PCNX1: variants seen among roughly 807,000 people sequenced by gnomAD.
PCNX1 encodes pecanex-like protein 1.
Under a neutral mutation model 242.2 loss-of-function variants are expected in PCNX1, and 78 were observed. That is an observed-to-expected ratio of 0.32 (90% confidence interval 0.27 to 0.39). The LOEUF is 0.39. PCNX1 is among the 10% of genes least tolerant of loss of function. PCNX1 has a pLI of 1.00. For synonymous variants in PCNX1, 1,024 were observed against 1,032.9 expected (o/e 0.99, Z 0.17); for missense variants, 2,581 against 2,856.5 (o/e 0.90, Z 2.20).
intron 33 of PCNX1, among the ~76,000 whole-genome samples, chr14:71,106,862 AAT>A (rs1259923590): frequency 2.6e-5 from 4 of 152,114 alleles, no homozygotes; most frequent in African/African-American, 7.2e-5. Flanking sequence ...CTGTACCACA[AAT>A]ATCTTTTCCC....
At position 71,026,255 on chromosome 14, in the gene PCNX1, C is replaced by T; in HGVS notation, c.3322C>T (p.Leu1108=). 3 of 1,608,744 alleles carry T rather than the reference C, an allele frequency of 1.9e-6. No homozygotes were observed. Among genetic ancestry groups the T allele is most frequent in the Non-Finnish European group, 2.5e-6 (3 of 1,177,070 alleles). The change falls in exon 14 of 36, where the codon CTG becomes TTG. Residue 1108 remains leucine, a synonymous_variant. Coordinates refer to ENST00000304743, the MANE Select transcript of PCNX1 (RefSeq NM_014982.3). ...ATATGGAATAACTTTCACCAATCCA[C>T]TGGTGTTTATATCAGCCAGGGATTT... ...KLYGITFTNP[L]VFISARDLVI...
At chr14:71,091,546 C>T (rs1182450415) in intron 30 of PCNX1, among the ~76,000 whole-genome samples, 1 of 152,018 alleles carries the variant, frequency 6.6e-6, no homozygotes, top group Non-Finnish European at 1.5e-5. Flanking sequence ...AAAAGATGAA[C>T]TAGAAAGCCT....
chr14:71,034,092 T>G lies in PCNX1; in HGVS notation c.3774+56T>G, dbSNP rs772235486. On this transcript the variant is annotated intron_variant, in intron 18 of 35. Coordinates refer to ENST00000304743, the MANE Select transcript of PCNX1 (RefSeq NM_014982.3). ...GACTTAAATCTTAGACAGTTGATCA[T>G]GTTATATGAGGAACACTTTTTGAAA... 200 of 906,998 alleles carry G rather than the reference T, an allele frequency of 2.2e-4. 1 individual carries two copies. The highest frequency in any genetic ancestry group is 3.3e-4 in the Non-Finnish European group (188 of 567,826). 56.2% of individuals were successfully genotyped at this position (906,998 alleles called of 1,614,324 possible).
chr14:71,045,071 A>G, intron 19 of PCNX1, 62 bp from the exon 20 acceptor site: 1 of 1,228,606 alleles, frequency 8.1e-7, no homozygotes, highest in Non-Finnish European at 1.1e-6. Context: ...CTGACAAATT[A>G]GAATTTCTAC....
At chr14:71,098,859 G>A (rs996359183) in intron 30 of PCNX1, among the ~76,000 whole-genome samples, 9 of 151,960 alleles carry the variant, frequency 5.9e-5, no homozygotes, top group Non-Finnish European at 1.3e-4. Flanking sequence ...TGGTGAGAGT[G>A]GACATCCTTG....
intron 1 of PCNX1, among the ~76,000 whole-genome samples, chr14:70,930,571 GATA>G (rs1277838877): frequency 9.2e-5 from 14 of 152,048 alleles, no homozygotes; most frequent in African/African-American, 2.9e-4. Flanking sequence ...TTTTAAAAAA[GATA>G]ATATCTATTA....
chr14:70,969,547 G>T (rs1369614782), intron 5 of PCNX1, among the ~76,000 whole-genome samples: 1 of 152,160 alleles, frequency 6.6e-6, no homozygotes, highest in Admixed American at 6.5e-5. Context: ...CTTAGTCCAT[G>T]TGCATTGCTA....
chr14:71,076,585 C>T (rs1357587621), intron 28 of PCNX1, among the ~76,000 whole-genome samples, 166 bp downstream of exon 28: 1 of 152,182 alleles, frequency 6.6e-6, no homozygotes, highest in Non-Finnish European at 1.5e-5. Context: ...ACCAGCTCTG[C>T]CAAAACAGGT....
intron 28 of PCNX1, among the ~76,000 whole-genome samples, chr14:71,080,498 T>C (rs981703721): frequency 2.0e-5 from 3 of 152,178 alleles, no homozygotes; most frequent in Non-Finnish European, 4.4e-5. Context: ...ATTCTTCCTA[T>C]CCATGAGCAT....
In PCNX1 at chr14:71,095,589, G is replaced by A. The variant is rs1013946799; in HGVS notation, c.5589+6247G>A. On this transcript the variant is annotated intron_variant, in intron 30 of 35. Coordinates refer to ENST00000304743, the MANE Select transcript of PCNX1 (RefSeq NM_014982.3). ...GCCAGTAATTTGATATATCTTTTGT[G>A]ATTTCTTCTAAGCACATACATTTTC... Among the ~76,000 whole-genome samples, 6 of 152,048 alleles carry A rather than the reference G, an allele frequency of 3.9e-5. No individual in the cohort carries two copies. In the East Asian group the frequency reaches 1.2e-3, roughly 29 times the overall value.
At position 70,977,703 on chromosome 14, in the gene PCNX1, A is replaced by T; in HGVS notation, c.1366A>T (p.Met456Leu). 6.2e-7 allele frequency: 1 copy of T among 1,614,164 alleles called. No homozygotes were observed. The highest frequency in any genetic ancestry group is 8.5e-7 in the Non-Finnish European group (1 of 1,180,034). Reference protein sequence around the residue: ...DKRTSSEKIAMEASTNSGVHE... With the variant: ...DKRTSSEKIALEASTNSGVHE... ...AAGGACTAGCAGTGAAAAGATTGCT[A>T]TGGAAGCGAGTACCAACAGTGGGGT... Residue 456 changes from methionine (M) to leucine (L), a missense_variant, in exon 6 of 36, where the codon ATG becomes TTG. Coordinates refer to ENST00000304743, the MANE Select transcript of PCNX1 (RefSeq NM_014982.3).
chr14:71,001,890 C>T (rs2059516598), intron 8 of PCNX1, among the ~76,000 whole-genome samples: 1 of 152,216 alleles, frequency 6.6e-6, no homozygotes, highest in South Asian at 2.1e-4. Context: ...TAAGTGCCTG[C>T]TGTAGTCGTT....
At chr14:70,969,173 T>C (rs1281969184) in intron 5 of PCNX1, 63 bp downstream of exon 5, 1 of 903,392 alleles carries the variant, frequency 1.1e-6, no homozygotes, top group African/African-American at 1.6e-5. Context: ...ATTTGTAGAA[T>C]ATGCTGCATA....
At chr14:71,005,257 C>T (rs1038768596) in intron 8 of PCNX1, among the ~76,000 whole-genome samples, 3 of 152,016 alleles carry the variant, frequency 2.0e-5, no homozygotes, top group Non-Finnish European at 4.4e-5. Context: ...AATTCCAGCA[C>T]GTTGGGAGGC....
chr14:70,975,765 G>A (rs1327547618), intron 5 of PCNX1, among the ~76,000 whole-genome samples: 2 of 151,826 alleles, frequency 1.3e-5, no homozygotes, highest in Non-Finnish European at 1.5e-5. Flanking sequence ...ATGTAGGTAG[G>A]TAGGTAGATA....
chr14:70,917,902 A>G (rs1566564525), intron 1 of PCNX1, among the ~76,000 whole-genome samples: 1 of 152,160 alleles, frequency 6.6e-6, no homozygotes, highest in East Asian at 1.9e-4. Context: ...GTGATCTTAG[A>G]TCTTCTGGAT....
intron 6 of PCNX1, among the ~76,000 whole-genome samples, chr14:70,986,279 G>C (rs994152212): frequency 6.6e-6 from 1 of 152,170 alleles, no homozygotes; most frequent in Admixed American, 6.5e-5. Flanking sequence ...TTTACCCCCT[G>C]AATATTATAA....
rs1417460214 is a variant in PCNX1 at position 70,978,340 on chromosome 14, G to A, written c.2003G>A (p.Gly668Glu). The A allele has an allele frequency of 1.4e-5, 22 of 1,614,168 alleles. No individual in the cohort carries two copies. The highest frequency in any genetic ancestry group is 1.8e-5 in the Non-Finnish European group (21 of 1,180,022). ...CACAAAGCTCATTTGGTTCCTGAAGGAACCAGCAAAAAGCGTGCAACACGA... is the reference window on the plus strand; with the variant it reads ...CACAAAGCTCATTTGGTTCCTGAAGAAACCAGCAAAAAGCGTGCAACACGA... ...HTHKAHLVPEGTSKKRATRRT... is the reference protein window; with the variant it reads ...HTHKAHLVPEETSKKRATRRT... The change falls in exon 6 of 36, where the codon GGA (glycine) becomes GAA (glutamate). Residue 668 changes from glycine to glutamate, a missense_variant. Physicochemically the swap from Gly to Glu is moderately conservative, Grantham distance 98. Around this residue, in one of 9 missense-constraint regions of PCNX1, gnomAD observed 1,204 missense variants for 1,216.7 expected, o/e 0.99. Coordinates refer to ENST00000304743, the MANE Select transcript of PCNX1 (RefSeq NM_014982.3).
At position 71,099,864 on chromosome 14, in the gene PCNX1, A is replaced by G. The variant is rs370312822; in HGVS notation, c.5590-2126A>G. On this transcript the variant is annotated intron_variant, in intron 30 of 35. Coordinates refer to ENST00000304743, the MANE Select transcript of PCNX1 (RefSeq NM_014982.3). ...TCCATTTTTACTGTTGTTAAAGTCT[A>G]TTTTATCTGATATAGGAATAGTGAC... 3.6e-3 allele frequency among the ~76,000 whole-genome samples: 555 copies of G among 152,166 alleles called. 2 individuals carry two copies. The highest frequency in any genetic ancestry group is 0.013 in the African/African-American group (535 of 41,530).
Sources: gnomAD v4.1 joint callset for allele counts (sites outside exome capture counted in the v4.1 genomes callset) on GRCh38, gnomAD v4.1.1 for gene constraint, gnomAD v4.1.1 regional missense constraint, MANE v1.5 for transcripts, NCBI Gene and HGNC (gene_info 2026-07-23, HGNC 2026-07-21) for gene names.